STRN: variants seen among roughly 807,000 people sequenced by gnomAD.
STRN encodes striatin, also known as protein phosphatase 2 regulatory subunit B'''alpha.
STRN carries 53 observed loss-of-function variants against 96.3 expected under a neutral mutation model. The observed-to-expected ratio is 0.55, with a 90% CI of 0.44 to 0.69. The LOEUF is 0.69. Among genes scored for constraint, STRN ranks in the 30% least tolerant of loss-of-function variants. The pLI is 0.00. For missense variants in STRN, 987 were observed against 963.9 expected (o/e 1.02, Z -0.32); for synonymous variants, 428 against 355.9 (o/e 1.20, Z -2.28).
At chr2:36,890,638 A>G (rs1234429719) in intron 7 of STRN, among the ~76,000 whole-genome samples, 1 of 151,746 alleles carries the variant, frequency 6.6e-6, no homozygotes, top group African/African-American at 2.4e-5. Flanking sequence ...CACCCGCCCC[A>G]ATGCCCAGCT....
At chr2:36,907,750 C>A (rs1669861978) in intron 3 of STRN, among the ~76,000 whole-genome samples, 1 of 151,938 alleles carries the variant, frequency 6.6e-6, no homozygotes, top group Admixed American at 6.6e-5. Flanking sequence ...ACTCCAGAGC[C>A]CCAGCATTTT....
chr2:36,961,578 C>G (rs770785794), intron 1 of STRN, among the ~76,000 whole-genome samples: 43 of 152,212 alleles, frequency 2.8e-4, no homozygotes, highest in Non-Finnish European at 5.3e-4. Context: ...TATCTTATCA[C>G]TACCACCTTA....
At chr2:36,933,813 T>TA (rs1452303157) in intron 1 of STRN, among the ~76,000 whole-genome samples, 2 of 151,982 alleles carry the variant, frequency 1.3e-5, no homozygotes, top group Non-Finnish European at 2.9e-5. Flanking sequence ...CTAAACAGTT[T>TA]AAGAAAAAAA....
At chr2:36,915,326 T>C (rs1670068461) in intron 3 of STRN, among the ~76,000 whole-genome samples, 2 of 146,956 alleles carry the variant, frequency 1.4e-5, no homozygotes, top group South Asian at 4.3e-4. Context: ...TGAACATTAA[T>C]GTCTTCAGAT....
chr2:36,929,910 T>A (rs1670526695), intron 1 of STRN, among the ~76,000 whole-genome samples: 1 of 152,206 alleles, frequency 6.6e-6, no homozygotes, highest in African/African-American at 2.4e-5. Flanking sequence ...GTTCTCATCT[T>A]TTGATTTGAA....
intron 13 of STRN, among the ~76,000 whole-genome samples, chr2:36,859,471 T>A (rs915354384): frequency 6.6e-6 from 1 of 152,138 alleles, no homozygotes; most frequent in African/African-American, 2.4e-5. Context: ...TGGGTGATTC[T>A]CATAGTGCCA....
At chr2:36,954,961 T>A (rs1664848606) in intron 1 of STRN, among the ~76,000 whole-genome samples, 1 of 152,162 alleles carries the variant, frequency 6.6e-6, no homozygotes, top group Non-Finnish European at 1.5e-5. Context: ...TGTTAAACAC[T>A]TCTGAGAAAC....
Position 36,928,133 on chromosome 2 carries a change from T to TA in STRN, c.235-2926dup, listed in dbSNP as rs201249972. Among the ~76,000 whole-genome samples the TA allele has an allele frequency of 8.2e-3, 1,237 of 150,556 alleles. 8 individuals carry two copies. Among genetic ancestry groups the TA allele is most frequent in the African/African-American group, 0.02 (841 of 41,066 alleles). On this transcript the variant is annotated intron_variant, in intron 1 of 17. Transcript: ENST00000263918. ...AACAGTCTTAAAACACATTCCTACA[T>TA]AAAAAAAAACGAATTCCTTCTGTAA...
rs1035319224 is a variant in STRN, at chr2:36,839,132, C to T, written c.*10324G>A. 6.6e-6 allele frequency among the ~76,000 whole-genome samples: 1 copy of T among 152,108 alleles called. No individual in the cohort carries two copies. The highest frequency in any genetic ancestry group is 1.5e-5 in the Non-Finnish European group (1 of 68,016). ...GAATGAAGGGGTATGATGGGACATG[C>T]TTCGTTTTGCCATTATGAATCTTTA... On this transcript the variant is annotated 3_prime_UTR_variant, in exon 18 of 18. Transcript: ENST00000263918.
chr2:36,867,968 C>T (rs1363402047), intron 11 of STRN, 107 bp from the exon 12 acceptor site: 2 of 753,716 alleles, frequency 2.7e-6, no homozygotes, highest in Non-Finnish European at 4.1e-6. Context: ...GGGAATATAC[C>T]ATTCTCAACT....
intron 1 of STRN, among the ~76,000 whole-genome samples, chr2:36,939,439 T>C (rs775576247): frequency 5.9e-5 from 9 of 152,190 alleles, no homozygotes; most frequent in Non-Finnish European, 1.3e-4. Flanking sequence ...ACCTATCTTA[T>C]TCGCATTATA....
At chr2:36,892,113 C>T (rs2691118) in intron 7 of STRN, among the ~76,000 whole-genome samples, 130,268 of 152,220 alleles carry the variant, frequency 0.86, 57,649 homozygotes, top group Non-Finnish European at 0.96. Context: ...TTCTAGTTCT[C>T]GAAGGTATAT....
chr2:36,893,108 A>AAC (rs1669443229), intron 7 of STRN, among the ~76,000 whole-genome samples: 1 of 152,204 alleles, frequency 6.6e-6, no homozygotes, highest in Non-Finnish European at 1.5e-5. Flanking sequence ...TAGAAAGAAA[A>AAC]ACAATGAAAA....
intron 6 of STRN, among the ~76,000 whole-genome samples, chr2:36,899,286 T>C (rs1278948101): frequency 2.0e-5 from 3 of 152,148 alleles, no homozygotes; most frequent in East Asian, 3.9e-4. Flanking sequence ...CATAGAAAAG[T>C]TGTCCTGTTC....
Position 36,883,965 on chromosome 2 carries a change from G to C in STRN, c.1153C>G (p.Leu385Val), listed in dbSNP as rs541490607. Residue 385 changes from leucine (L) to valine (V), a missense_variant, in exon 9 of 18, where the codon CTT becomes GTT. By Grantham distance (32) the Leu-to-Val change is conservative. Transcript: ENST00000263918. ...GCCCTATTAATTTCATGTTCAGGAA[G>C]CCTGGAGCTGCTGGGTCTGGAAGGT... ...GSPSRPSSSR[L>V]PEHEINRADE... 24 of 1,424,200 alleles carry C rather than the reference G, an allele frequency of 1.7e-5. No individual in the cohort carries two copies. In the African/African-American group the frequency reaches 3.2e-4, roughly 19 times the overall value. The allele number at this position is 1,424,200 out of a possible 1,614,324, so 88.2% of individuals were successfully genotyped here. A position where few individuals can be genotyped will look rare whatever the true frequency, so the allele number is the denominator to read the frequency against.
intron 1 of STRN, among the ~76,000 whole-genome samples, chr2:36,944,875 A>T (rs1670939928): frequency 6.6e-6 from 1 of 152,236 alleles, no homozygotes; most frequent in South Asian, 2.1e-4. Context: ...CTTTAAATTT[A>T]TCAGACTAGC....
intron 1 of STRN, among the ~76,000 whole-genome samples, chr2:36,929,336 CAATT>C (rs778208366): frequency 1.3e-5 from 2 of 152,118 alleles, no homozygotes; most frequent in Non-Finnish European, 2.9e-5. Flanking sequence ...ATCTAATAAA[CAATT>C]AAAATATTTA....
Position 36,862,560 on chromosome 2 carries a change from T to G in STRN, c.1548-1307A>C, listed in dbSNP as rs7559937. On this transcript the variant is annotated intron_variant, in intron 12 of 17. Coordinates refer to ENST00000263918, the MANE Select transcript of STRN (RefSeq NM_003162.4). Reference sequence around the variant, plus strand: ...CATGTATGTCTTCTTCTGGAAACTATCTGTTCATGTTCTTTGCCCACTTTT... The same window carrying G: ...CATGTATGTCTTCTTCTGGAAACTAGCTGTTCATGTTCTTTGCCCACTTTT... Among the ~76,000 whole-genome samples the G allele has an allele frequency of 6.2e-3, 941 of 152,288 alleles. 9 individuals are homozygous for G. Among genetic ancestry groups the G allele is most frequent in the African/African-American group, 0.02 (845 of 41,562 alleles).
intron 16 of STRN, 75 bp from the exon 17 acceptor site, chr2:36,849,875 C>A: frequency 1.4e-6 from 2 of 1,395,760 alleles, no homozygotes; most frequent in Non-Finnish European, 2.0e-6. Flanking sequence ...CCATGTCCTG[C>A]TGGTTTCTCC....
Sources: gnomAD v4.1 joint callset for allele counts (sites outside exome capture counted in the v4.1 genomes callset) on GRCh38, gnomAD v4.1.1 for gene constraint, MANE v1.5 for transcripts, NCBI Gene and HGNC (gene_info 2026-07-23, HGNC 2026-07-21) for gene names.